RELN: variants seen among roughly 807,000 people sequenced by gnomAD.
RELN encodes reelin.
A neutral mutation model predicts 427.6 loss-of-function variants in RELN; 108 were observed. That is an observed-to-expected ratio of 0.25 (90% CI 0.22 to 0.30). RELN has a LOEUF of 0.30. Among genes scored for constraint, RELN ranks in the 10% least tolerant of loss-of-function variants. RELN has a pLI of 1.00. For missense variants in RELN, 3,715 were observed against 4,302.8 expected (o/e 0.86, Z 3.82); for synonymous variants, 1,524 against 1,513.4 (o/e 1.01, Z -0.16).
intron 16 of RELN, among the ~76,000 whole-genome samples, chr7:103,649,432 G>C (rs1225233075): frequency 6.6e-6 from 1 of 151,986 alleles, no homozygotes; most frequent in Non-Finnish European, 1.5e-5. Flanking sequence ...ACTCAGAAAG[G>C]TGGGAGGATG....
At chr7:103,918,989 T>A (rs1795551114) in intron 1 of RELN, among the ~76,000 whole-genome samples, 1 of 152,170 alleles carries the variant, frequency 6.6e-6, no homozygotes, top group Non-Finnish European at 1.5e-5. Flanking sequence ...TTGATTATAA[T>A]CTGCTTGCTA....
intron 16 of RELN, among the ~76,000 whole-genome samples, chr7:103,644,470 G>T (rs1355425675): frequency 1.4e-5 from 2 of 147,822 alleles, no homozygotes; most frequent in Admixed American, 1.4e-4. Context: ...AAAATTCATT[G>T]AAGGAATTAC....
chr7:103,925,397 C>T (rs1434241697), intron 1 of RELN, among the ~76,000 whole-genome samples: 1 of 152,006 alleles, frequency 6.6e-6, no homozygotes, highest in Non-Finnish European at 1.5e-5. Flanking sequence ...TATTATATAA[C>T]CCAAAATTTT....
rs539946269 is a variant in RELN at position 103,877,411 on chromosome 7, CT to C, written c.337+39663del. On this transcript the variant is annotated intron_variant, in intron 2 of 64. Transcript: ENST00000428762. ...ACTCAAGTCAGAAACCTGAGCCTTA[CT>C]TTTGACCCTTGACTCTCCTTCAACT... is the stretch of plus-strand genomic sequence containing the variant. Among the ~76,000 whole-genome samples, 423 of 152,242 alleles carry C rather than the reference CT, an allele frequency of 2.8e-3. 2 individuals carry two copies. Among genetic ancestry groups the C allele is most frequent in the African/African-American group, 9.5e-3 (394 of 41,548 alleles).
At chr7:103,872,116 G>C (rs934395204) in intron 2 of RELN, among the ~76,000 whole-genome samples, 3 of 137,222 alleles carry the variant, frequency 2.2e-5, no homozygotes, top group African/African-American at 8.0e-5. Flanking sequence ...ACATTGTGCA[G>C]GTTAGTTACA....
intron 2 of RELN, among the ~76,000 whole-genome samples, chr7:103,894,867 C>T (rs1042998805): frequency 3.3e-5 from 5 of 152,126 alleles, no homozygotes; most frequent in Admixed American, 2.6e-4. Context: ...AGTAACACTA[C>T]ATCTTTAATG....
At chr7:103,826,320 A>ATGTGTGTGTGTGTGTGTGTGTGTGTG (rs71154374) in intron 3 of RELN, among the ~76,000 whole-genome samples, 29 of 121,962 alleles carry the variant, frequency 2.4e-4, no homozygotes, top group Non-Finnish European at 3.4e-4. Flanking sequence ...GACTAAGACA[A>ATGTGTGTGTGTGTGTGTGTGTGTGTG]TGTGTGTGTG....
At chr7:103,818,810 GT>G (rs561294877) in intron 3 of RELN, among the ~76,000 whole-genome samples, 220 of 151,694 alleles carry the variant, frequency 1.5e-3, no homozygotes, top group African/African-American at 5.0e-3. Flanking sequence ...TAATGTTAGA[GT>G]TTTTTTCAAG....
intron 1 of RELN, among the ~76,000 whole-genome samples, chr7:103,951,693 TAC>T (rs1327414318): frequency 7.4e-6 from 1 of 134,566 alleles, no homozygotes; most frequent in East Asian, 2.1e-4. Flanking sequence ...TTTTTTAAAA[TAC>T]AGAGTCTTGT....
chr7:103,497,693 G>T, intron 55 of RELN, 127 bp downstream of exon 55: 1 of 786,804 alleles, frequency 1.3e-6, no homozygotes, highest in Non-Finnish European at 2.2e-6. Flanking sequence ...AAAATCTGTA[G>T]CTTTTTCTTT....
chr7:103,752,153 C>A (rs538291213), intron 5 of RELN, among the ~76,000 whole-genome samples: 54 of 152,230 alleles, frequency 3.5e-4, no homozygotes, highest in Admixed American at 1.2e-3. Flanking sequence ...ATTCCTTATA[C>A]CAACCCTATG....
intron 2 of RELN, among the ~76,000 whole-genome samples, chr7:103,867,712 T>C (rs918273544): frequency 5.3e-5 from 8 of 152,076 alleles, no homozygotes; most frequent in African/African-American, 1.9e-4. Context: ...CTCTGTGCCA[T>C]CCTGAAATTT....
chr7:103,675,453 T>C (rs376959227), intron 11 of RELN, among the ~76,000 whole-genome samples: 13 of 152,076 alleles, frequency 8.5e-5, no homozygotes, highest in African/African-American at 2.7e-4. Flanking sequence ...ATGAAAATGG[T>C]CACACTGCCC....
chr7:103,792,528 C>T (rs372796463), intron 3 of RELN, among the ~76,000 whole-genome samples: 4 of 75,010 alleles, frequency 5.3e-5, no homozygotes, highest in Admixed American at 2.1e-4. Flanking sequence ...AATTCTATAG[C>T]GACAGAACAT....
rs1584282067 is a variant in RELN at position 103,836,530 on chromosome 7, A to T, written c.338-2858T>A. Among the ~76,000 whole-genome samples the T allele has an allele frequency of 2.0e-5, 3 of 152,174 alleles. 1 individual carries two copies. In the South Asian group the frequency reaches 6.2e-4, roughly 32 times the overall value. The stretch of plus-strand genomic sequence containing the variant: ...AGTTAAGACTCTGAATTTGCCTCTC[A>T]CTGCCTTCTCCAACCTCAGTTTCAG... On this transcript the variant is annotated intron_variant, in intron 2 of 64. Transcript: ENST00000428762.
chr7:103,570,617 C>T (rs1389910407), intron 31 of RELN, among the ~76,000 whole-genome samples: 1 of 152,196 alleles, frequency 6.6e-6, no homozygotes, highest in African/African-American at 2.4e-5. Flanking sequence ...TCATTAGTGC[C>T]CCACTGGTTC....
chr7:103,489,646 G>A (rs1828580474), intron 60 of RELN, 96 bp downstream of exon 60: 2 of 1,411,054 alleles, frequency 1.4e-6, no homozygotes, highest in Non-Finnish European at 2.0e-6. Flanking sequence ...TCAGGCTGGA[G>A]TTTCTATCCA....
At chr7:103,564,277 G>C (rs1179584313) in intron 34 of RELN, among the ~76,000 whole-genome samples, 1 of 152,194 alleles carries the variant, frequency 6.6e-6, no homozygotes, top group Non-Finnish European at 1.5e-5. Context: ...TCTGGATCAG[G>C]TTTGAACCAG....
Position 103,510,059 on chromosome 7 carries a change from A to G in RELN, c.8274+792T>C, listed in dbSNP as rs190184962. Among the ~76,000 whole-genome samples, 45 of 152,362 alleles carry G rather than the reference A, an allele frequency of 3.0e-4. 1 individual carries two copies. The East Asian group carries it at 8.5e-3, about 29-fold the overall frequency. On this transcript the variant is annotated intron_variant, in intron 51 of 64. Transcript: ENST00000428762. Reference sequence around the variant, plus strand: ...GTTGGTGGGAGTGTAAAGTAGTGCAACCATCGTGGAAGACAGTGTGGCAAT... The same window carrying G: ...GTTGGTGGGAGTGTAAAGTAGTGCAGCCATCGTGGAAGACAGTGTGGCAAT...
Sources: gnomAD v4.1 joint callset for allele counts (sites outside exome capture counted in the v4.1 genomes callset) on GRCh38, gnomAD v4.1.1 for gene constraint, MANE v1.5 for transcripts, NCBI Gene and HGNC (gene_info 2026-07-23, HGNC 2026-07-21) for gene names.